The following AGBL1 variants were observed in gnomAD, a reference collection of about 807,000 sequenced individuals.
AGBL1 encodes cytosolic carboxypeptidase 4.
AGBL1 carries 130 observed loss-of-function variants against 118.9 expected under a neutral mutation model. That is an observed-to-expected ratio of 1.09 (90% CI 0.95 to 1.26). The LOEUF is 1.26. AGBL1 is among the 50% of genes most tolerant of loss of function. The pLI, the probability that AGBL1 is intolerant of heterozygous loss-of-function variation, is 0.00. For synonymous variants in AGBL1, 555 were observed against 478.9 expected (o/e 1.16, Z -2.08); for missense variants, 1,584 against 1,298.1 (o/e 1.22, Z -3.38).
At chr15:87,031,056 G>A (rs2081777953), downstream of AGBL1, among the ~76,000 whole-genome samples, 1 of 151,936 alleles carries the variant, frequency 6.6e-6, no homozygotes, top group Admixed American at 6.6e-5. Context: ...TTCATTTTTA[G>A]GCAAACATAT....
At chr15:86,965,394 T>G (rs1218715180) in intron 23 of AGBL1, among the ~76,000 whole-genome samples, 1 of 151,716 alleles carries the variant, frequency 6.6e-6, no homozygotes, top group Non-Finnish European at 1.5e-5. Flanking sequence ...GATGATGAAC[T>G]TTTTTTTTCA....
At chr15:86,751,643 G>A (rs1408847311) in intron 22 of AGBL1, among the ~76,000 whole-genome samples, 1 of 152,136 alleles carries the variant, frequency 6.6e-6, no homozygotes, top group African/African-American at 2.4e-5. Context: ...CAGTGTAGGA[G>A]TAGATTCATT....
chr15:86,330,572 T>C (rs1330265088), intron 17 of AGBL1, among the ~76,000 whole-genome samples: 1 of 152,100 alleles, frequency 6.6e-6, no homozygotes, highest in East Asian at 1.9e-4. Flanking sequence ...CCATGAAAAA[T>C]CTGAATGTAG....
chr15:86,970,625 T>A (rs1251377328), intron 23 of AGBL1, among the ~76,000 whole-genome samples: 1 of 151,988 alleles, frequency 6.6e-6, no homozygotes, highest in Non-Finnish European at 1.5e-5. Flanking sequence ...TAGGTTTGAT[T>A]TGATAATGCA....
chr15:86,627,102 G>A (rs1285902129), intron 21 of AGBL1, among the ~76,000 whole-genome samples: 1 of 152,066 alleles, frequency 6.6e-6, no homozygotes, highest in Non-Finnish European at 1.5e-5. Flanking sequence ...CTGGGTTCAA[G>A]TGATTCTCCT....
At chr15:86,131,911 T>A (rs2076824739) in intron 1 of AGBL1, among the ~76,000 whole-genome samples, 1 of 148,780 alleles carries the variant, frequency 6.7e-6, no homozygotes, top group Non-Finnish European at 1.5e-5. Flanking sequence ...TGAGTTGTGA[T>A]CCTGCCAGCC....
At chr15:86,441,787 G>C (rs1037694233) in intron 18 of AGBL1, among the ~76,000 whole-genome samples, 1 of 152,218 alleles carries the variant, frequency 6.6e-6, no homozygotes, top group African/African-American at 2.4e-5. Context: ...AGTTAAGCCA[G>C]AATCTTCTGT....
chr15:86,503,540 GT>G (rs2142164045), intron 18 of AGBL1, among the ~76,000 whole-genome samples: 1 of 150,694 alleles, frequency 6.6e-6, no homozygotes, highest in East Asian at 1.9e-4. Context: ...TGATTGTTAT[GT>G]TTTAAAATAA....
At chr15:86,266,292 A>G in intron 11 of AGBL1, 82 bp from the exon 12 acceptor site, 2 of 1,015,162 alleles carry the variant, frequency 2.0e-6, no homozygotes, top group Non-Finnish European at 2.8e-6. Flanking sequence ...GTGACCCCCA[A>G]AGTTCTTCCC....
At chr15:86,940,320 T>C (rs1022306754) in intron 23 of AGBL1, among the ~76,000 whole-genome samples, 1 of 152,218 alleles carries the variant, frequency 6.6e-6, no homozygotes, top group South Asian at 2.1e-4. Flanking sequence ...AATAATAATA[T>C]AGACCTCATA....
chr15:86,206,997 G>A (rs2078004930), intron 5 of AGBL1, among the ~76,000 whole-genome samples: 1 of 151,972 alleles, frequency 6.6e-6, no homozygotes, highest in Non-Finnish European at 1.5e-5. Flanking sequence ...ATAAGATATA[G>A]GGAAGGGATC....
At chr15:86,173,725 G>C (rs1597492952) in intron 5 of AGBL1, among the ~76,000 whole-genome samples, 1 of 151,866 alleles carries the variant, frequency 6.6e-6, no homozygotes, top group Admixed American at 6.6e-5. Context: ...GATGTTGTTG[G>C]TGCTTTTTTC....
At chr15:86,501,499 G>A (rs773785871) in intron 18 of AGBL1, among the ~76,000 whole-genome samples, 1 of 151,426 alleles carries the variant, frequency 6.6e-6, no homozygotes. Flanking sequence ...TGCTTTTGAT[G>A]TTATATCTAA....
Position 86,264,425 on chromosome 15 carries a change from G to C in AGBL1, c.1254G>C (p.Arg418Ser). 6.2e-7 allele frequency: 1 copy of C among 1,613,892 alleles called. No individual in the cohort carries two copies. The highest frequency in any genetic ancestry group is 8.5e-7 in the Non-Finnish European group (1 of 1,179,874). The change falls in exon 11 of 23, where the codon AGG (arginine) becomes AGC (serine). Residue 418 changes from arginine to serine, a missense_variant. Transcript: ENST00000614907. The stretch of plus-strand genomic sequence containing the variant: ...CTGTCCAGACTTCCCTTCTGTGCAG[G>C]GTGAAGACGGGAAGGTCCACTGTGC... ...EYAVQTSLLC[R>S]VKTGRSTVHL...
chr15:86,683,173 T>G (rs2085992356), intron 22 of AGBL1, among the ~76,000 whole-genome samples: 1 of 152,096 alleles, frequency 6.6e-6, no homozygotes, highest in Non-Finnish European at 1.5e-5. Flanking sequence ...TAAATTTAAT[T>G]TAGTTTTATT....
chr15:86,785,803 C>T (rs960607653), intron 22 of AGBL1, among the ~76,000 whole-genome samples: 1 of 152,160 alleles, frequency 6.6e-6, no homozygotes, highest in African/African-American at 2.4e-5. Flanking sequence ...CCCAAGAGAA[C>T]TGAGTTATAG....
chr15:86,653,331 C>G (rs1234790921), intron 21 of AGBL1, among the ~76,000 whole-genome samples: 2 of 152,156 alleles, frequency 1.3e-5, no homozygotes, highest in East Asian at 3.9e-4. Flanking sequence ...TCCCTTCTCC[C>G]TGCCACCCGG....
At position 86,154,352 on chromosome 15, in the gene AGBL1, C is replaced by G. The variant is rs752441944; in HGVS notation, c.263-78C>G. ...ATTATCCTCCTCCTTCACCATCTTC[C>G]CCTTCCTCCACTGTACTCATTGTAC... is the stretch of plus-strand genomic sequence containing the variant. On this transcript the variant is annotated intron_variant, in intron 3 of 22. Coordinates refer to ENST00000614907, the MANE Select transcript of AGBL1 (RefSeq NM_001386094.1). 7 of 1,468,254 alleles carry G rather than the reference C, an allele frequency of 4.8e-6. No homozygotes were observed. The African/African-American group carries it at 5.6e-5, about 12-fold the overall frequency. The allele number at this position is 1,468,254 out of a possible 1,614,324, so 91.0% of individuals were successfully genotyped here.
intron 23 of AGBL1, among the ~76,000 whole-genome samples, chr15:86,975,070 T>C (rs2081159827): frequency 6.6e-6 from 1 of 151,982 alleles, no homozygotes; most frequent in Non-Finnish European, 1.5e-5. Context: ...GACCAAGTAA[T>C]CCTCCCCTCA....
Sources: allele counts gnomAD v4.1 joint callset (sites outside exome capture counted in the v4.1 genomes callset), GRCh38; gene constraint gnomAD v4.1.1; transcripts MANE v1.5; gene names NCBI Gene and HGNC (gene_info 2026-07-23, HGNC 2026-07-21).